The following LRMDA variants were observed in gnomAD, a reference collection of about 807,000 sequenced individuals.
The protein encoded by LRMDA is leucine-rich melanocyte differentiation-associated protein.
A neutral mutation model predicts 29.8 loss-of-function variants in LRMDA; 18 were observed. The observed-to-expected ratio is 0.60, with a 90% CI of 0.42 to 0.90. The LOEUF is 0.90. Among genes scored for constraint, LRMDA ranks in the 40% least tolerant of loss-of-function variants. The probability of loss-of-function intolerance (pLI) is 0.00; values close to 1 mark genes in which losing one functional copy is unlikely to be tolerated. For missense variants in LRMDA, 273 were observed against 273.9 expected (o/e 1.00, Z 0.02); for synonymous variants, 125 against 109.4 (o/e 1.14, Z -0.89).
At chr10:75,721,557 A>G (rs1842567117) in intron 2 of LRMDA, among the ~76,000 whole-genome samples, 1 of 152,036 alleles carries the variant, frequency 6.6e-6, no homozygotes. Flanking sequence ...CTGGTGATGG[A>G]TTATTAGGGA....
intron 5 of LRMDA, among the ~76,000 whole-genome samples, chr10:76,122,871 A>G (rs371554729): frequency 6.6e-6 from 1 of 152,132 alleles, no homozygotes; most frequent in South Asian, 2.1e-4. Context: ...TTTCCTGCTC[A>G]TGGTCCATGG....
chr10:75,460,188 A>G (rs1369390134), intron 2 of LRMDA, among the ~76,000 whole-genome samples: 1 of 152,214 alleles, frequency 6.6e-6, no homozygotes, highest in East Asian at 1.9e-4. Context: ...ATATCAGATT[A>G]TTGTTTAAAT....
At chr10:75,517,855 A>G (rs141525682) in intron 2 of LRMDA, among the ~76,000 whole-genome samples, 149 of 152,246 alleles carry the variant, frequency 9.8e-4, no homozygotes, top group African/African-American at 3.3e-3. Flanking sequence ...AAAAGCTCTT[A>G]TTATTTTGAG....
At chr10:75,627,153 A>G (rs768402398) in intron 2 of LRMDA, among the ~76,000 whole-genome samples, 1 of 152,234 alleles carries the variant, frequency 6.6e-6, no homozygotes, top group African/African-American at 2.4e-5. Context: ...GTAGTGACCT[A>G]TCAGTTGAGC....
At chr10:76,365,094 A>G (rs1841375104) in intron 6 of LRMDA, among the ~76,000 whole-genome samples, 1 of 27,860 alleles carries the variant, frequency 3.6e-5, no homozygotes, top group Admixed American at 2.3e-4. Context: ...ACATATATAT[A>G]TATATATATA....
Position 76,004,726 on chromosome 10 carries a change from A to ATT in LRMDA, c.132-31264_132-31263dup, listed in dbSNP as rs926291826. On this transcript the variant is annotated intron_variant, in intron 2 of 6. Transcript: ENST00000611255. ...GCAGGAGGTATGTCCTTTTCTTTTA[A>ATT]TTTTTTTTTTTTTTTTTTTGAGACG... Among the ~76,000 whole-genome samples the ATT allele has an allele frequency of 3.5e-3, 464 of 134,010 alleles. 3 individuals are homozygous for ATT. Among genetic ancestry groups the ATT allele is most frequent in the African/African-American group, 6.8e-3 (242 of 35,498 alleles). The allele number at this position is 134,010 out of a possible 152,430, so 87.9% of individuals were successfully genotyped here.
chr10:76,307,387 G>A (rs1840570761), intron 5 of LRMDA, among the ~76,000 whole-genome samples: 1 of 152,178 alleles, frequency 6.6e-6, no homozygotes, highest in East Asian at 1.9e-4. Flanking sequence ...TGTTTTGAAT[G>A]TCTGGGATGC....
intron 5 of LRMDA, among the ~76,000 whole-genome samples, chr10:76,236,532 A>C (rs1852155014): frequency 6.6e-6 from 1 of 152,142 alleles, no homozygotes; most frequent in Admixed American, 6.5e-5. Flanking sequence ...CTTACTCTGC[A>C]CTCTTTAACC....
At chr10:76,391,916 G>A (rs935295139) in intron 6 of LRMDA, among the ~76,000 whole-genome samples, 1 of 152,098 alleles carries the variant, frequency 6.6e-6, no homozygotes, top group African/African-American at 2.4e-5. Context: ...TGGATTTATG[G>A]AGACTGTATC....
chr10:76,160,209 T>C (rs951198718), intron 5 of LRMDA, among the ~76,000 whole-genome samples: 3 of 151,848 alleles, frequency 2.0e-5, no homozygotes, highest in Admixed American at 6.6e-5. Context: ...AGAAGTCTTT[T>C]TTTTTTTTTT....
intron 6 of LRMDA, among the ~76,000 whole-genome samples, chr10:76,329,008 G>A (rs1840870918): frequency 6.6e-6 from 1 of 152,140 alleles, no homozygotes; most frequent in South Asian, 2.1e-4. Context: ...AGGAACATCT[G>A]GGTGTCTCCC....
intron 5 of LRMDA, among the ~76,000 whole-genome samples, chr10:76,226,569 G>A (rs1408571496): frequency 1.3e-5 from 2 of 152,142 alleles, no homozygotes. Context: ...GGCGACAAGA[G>A]CAAAACTCCA....
At chr10:75,925,556 G>C (rs571677281) in intron 2 of LRMDA, among the ~76,000 whole-genome samples, 84 of 120,014 alleles carry the variant, frequency 7.0e-4, no homozygotes, top group African/African-American at 2.1e-3. Context: ...TAGTTTGGAG[G>C]GGGGGAGCTT....
At chr10:76,515,568 T>C (rs1265412370) in intron 6 of LRMDA, among the ~76,000 whole-genome samples, 1 of 152,140 alleles carries the variant, frequency 6.6e-6, no homozygotes, top group Non-Finnish European at 1.5e-5. Flanking sequence ...TACAGTGGCA[T>C]GATCTTGGTT....
chr10:76,083,168 A>T (rs868834544), intron 5 of LRMDA, among the ~76,000 whole-genome samples: 1 of 152,200 alleles, frequency 6.6e-6, no homozygotes, highest in Non-Finnish European at 1.5e-5. Context: ...TGACTCACTT[A>T]GAGGTGTGCC....
intron 6 of LRMDA, among the ~76,000 whole-genome samples, chr10:76,330,999 C>T (rs1424949259): frequency 6.6e-6 from 1 of 152,088 alleles, no homozygotes; most frequent in African/African-American, 2.4e-5. Context: ...GGCCAGGTGC[C>T]GTGGCTCACG....
chr10:76,273,812 T>C (rs535077056), intron 5 of LRMDA, among the ~76,000 whole-genome samples: 2 of 152,234 alleles, frequency 1.3e-5, no homozygotes, highest in African/African-American at 2.4e-5. Context: ...CATTAACTAA[T>C]GGGGATATTA....
chr10:75,665,352 C>T (rs1465721586), intron 2 of LRMDA, among the ~76,000 whole-genome samples: 2 of 152,170 alleles, frequency 1.3e-5, no homozygotes, highest in African/African-American at 4.8e-5. Flanking sequence ...TGATACAACA[C>T]ACCTTTATTC....
intron 5 of LRMDA, among the ~76,000 whole-genome samples, chr10:76,298,165 C>T (rs531235695): frequency 2.6e-5 from 4 of 152,194 alleles, no homozygotes; most frequent in Non-Finnish European, 4.4e-5. Flanking sequence ...AGGGTGCAGG[C>T]TCAGTCAAGT....
Sources: gnomAD v4.1 joint callset for allele counts (sites outside exome capture counted in the v4.1 genomes callset) on GRCh38, gnomAD v4.1.1 for gene constraint, MANE v1.5 for transcripts, NCBI Gene and HGNC (gene_info 2026-07-23, HGNC 2026-07-21) for gene names.